Variants in ACTR3B observed in about 807,000 individuals in gnomAD.
ACTR3B encodes the protein actin related protein 3B.
In ACTR3B, 8 loss-of-function variants were observed where a neutral mutation model predicts 59.0. The observed-to-expected ratio is 0.14, with a 90% CI of 0.08 to 0.24. ACTR3B has a LOEUF of 0.24. Ranked by LOEUF, ACTR3B falls within the 10% of genes least tolerant of loss-of-function variation. The probability of loss-of-function intolerance (pLI) is 1.00; values close to 1 mark genes in which losing one functional copy is unlikely to be tolerated. For synonymous variants in ACTR3B, 148 were observed against 197.9 expected (o/e 0.75, Z 2.12); for missense variants, 245 against 552.3 (o/e 0.44, Z 5.58).
chr7:152,802,350 C>A (rs1284005321), intron 4 of ACTR3B, among the ~76,000 whole-genome samples: 1 of 146,916 alleles, frequency 6.8e-6, no homozygotes, highest in Non-Finnish European at 1.5e-5. Context: ...TTGGATAAAC[C>A]AACTGCCTAC....
chr7:152,823,486 C>G lies in ACTR3B; in HGVS notation c.829C>G (p.Leu277Val). ...FVIDVGYERF[L>V]GPEIFFHPEF... ...TATAGACGTTGGTTACGAAAGATTCCTGGGACCTGAAATATTCTTTCACCC... is the reference window on the plus strand; with the variant it reads ...TATAGACGTTGGTTACGAAAGATTCGTGGGACCTGAAATATTCTTTCACCC... Residue 277 changes from leucine to valine, a missense_variant, in exon 8 of 12, where the codon CTG becomes GTG. Leu to Val is a conservative substitution (Grantham distance 32, BLOSUM62 1). Coordinates refer to ENST00000256001, the MANE Select transcript of ACTR3B (RefSeq NM_020445.6). 1 of 1,614,128 alleles carries G rather than the reference C, an allele frequency of 6.2e-7. No individual in the cohort carries two copies. Among genetic ancestry groups the G allele is most frequent in the Non-Finnish European group, 8.5e-7 (1 of 1,180,012 alleles).
intron 3 of ACTR3B, 57 bp from the exon 4 acceptor site, chr7:152,801,564 C>T: frequency 6.5e-7 from 1 of 1,547,838 alleles, no homozygotes; most frequent in Non-Finnish European, 8.8e-7. Flanking sequence ...CACTGTTAAA[C>T]TGTTGCTCTT....
chr7:152,805,758 G>T (rs566227549), intron 4 of ACTR3B, among the ~76,000 whole-genome samples: 1 of 152,210 alleles, frequency 6.6e-6, no homozygotes, highest in Admixed American at 6.5e-5. Context: ...TCTTGGATTT[G>T]CTAAGTCACC....
chr7:152,768,984 C>G (rs964727159), intron 1 of ACTR3B, among the ~76,000 whole-genome samples: 21 of 151,732 alleles, frequency 1.4e-4, no homozygotes, highest in African/African-American at 4.4e-4. Context: ...TCCCGAGGAG[C>G]TGGGATTATA....
intron 1 of ACTR3B, among the ~76,000 whole-genome samples, chr7:152,774,298 G>A (rs2098131400): frequency 1.3e-5 from 2 of 152,084 alleles, no homozygotes; most frequent in Admixed American, 1.3e-4. Context: ...CACCGCACCC[G>A]ACTAGTTTTG....
Position 152,854,473 on chromosome 7 carries a change from G to T in ACTR3B, c.1177G>T (p.Val393Phe). The stretch of plus-strand genomic sequence containing the variant: ...CCTCTCGTAGCCCGAGTTCTTTCAG[G>T]TCTGCCACACCAAGAAGGACTATGA... ...MLASTPEFFQ[V>F]CHTKKDYEEY... The change falls in exon 12 of 12, where the codon GTC (valine) becomes TTC (phenylalanine). Residue 393 changes from valine to phenylalanine, a missense_variant. By Grantham distance (50) the Val-to-Phe change is conservative. Transcript: ENST00000256001. This position sits in a 1 kb window ranked among gnomAD's most constrained non-coding sequence, Gnocchi z 4.9. 1 of 1,614,014 alleles carries T rather than the reference G, an allele frequency of 6.2e-7. No individual in the cohort carries two copies. The highest frequency in any genetic ancestry group is 8.5e-7 in the Non-Finnish European group (1 of 1,180,010).
chr7:152,775,576 A>G (rs1467663645), intron 1 of ACTR3B, among the ~76,000 whole-genome samples: 2 of 152,090 alleles, frequency 1.3e-5, no homozygotes, highest in Non-Finnish European at 2.9e-5. Context: ...CCTGACCAAC[A>G]TGGAGAAACC....
Position 152,801,063 on chromosome 7 carries a change from C to A in ACTR3B, c.225+408C>A, listed in dbSNP as rs574733095. Among the ~76,000 whole-genome samples the A allele has an allele frequency of 9.8e-5, 15 of 152,372 alleles. No individual in the cohort carries two copies. The East Asian group carries it at 2.5e-3, about 25-fold the overall frequency. On this transcript the variant is annotated intron_variant, in intron 3 of 11. Coordinates refer to ENST00000256001, the MANE Select transcript of ACTR3B (RefSeq NM_020445.6). ...ATGATAATTAGCTGCAGTTTTCTAT[C>A]GGTTCCTCATTGTATTTTTTGTTGT...
intron 4 of ACTR3B, among the ~76,000 whole-genome samples, chr7:152,804,654 T>A (rs2098246941): frequency 6.6e-6 from 1 of 152,166 alleles, no homozygotes; most frequent in African/African-American, 2.4e-5. Context: ...GAGATATGTA[T>A]AGTCAAAACC....
intron 9 of ACTR3B, among the ~76,000 whole-genome samples, chr7:152,832,063 C>T (rs1246928999): frequency 1.3e-5 from 2 of 152,118 alleles, no homozygotes; most frequent in Non-Finnish European, 2.9e-5. Context: ...TGTAGAACCA[C>T]GCGGAGGCAG....
At chr7:152,846,555 G>A (rs1295549636) in intron 9 of ACTR3B, among the ~76,000 whole-genome samples, 6 of 146,228 alleles carry the variant, frequency 4.1e-5, no homozygotes, top group African/African-American at 1.3e-4. Context: ...CAGCGCCCGG[G>A]CTGCAGTCTG....
intron 4 of ACTR3B, chr7:152,812,025 T>C (rs1258804589): frequency 2.3e-5 from 1 of 42,800 alleles, no homozygotes; most frequent in African/African-American, 6.7e-5. Flanking sequence ...AAGTCTTTTT[T>C]TTTTTTTTTT....
At chr7:152,769,245 C>T (rs1358441865) in intron 1 of ACTR3B, among the ~76,000 whole-genome samples, 2 of 152,118 alleles carry the variant, frequency 1.3e-5, no homozygotes, top group African/African-American at 2.4e-5. Context: ...AAGGTCTCCT[C>T]GCATTTTCTG....
intron 2 of ACTR3B, among the ~76,000 whole-genome samples, chr7:152,783,608 G>T (rs1182990460): frequency 1.3e-5 from 2 of 151,814 alleles, no homozygotes; most frequent in African/African-American, 4.8e-5. Context: ...TCTATCGAAA[G>T]ATTCTTTTTT....
At chr7:152,778,183 T>A (rs2098141030) in intron 1 of ACTR3B, among the ~76,000 whole-genome samples, 1 of 151,760 alleles carries the variant, frequency 6.6e-6, no homozygotes, top group Non-Finnish European at 1.5e-5. Context: ...AAGGAATCTT[T>A]CCCTTTTTAG....
chr7:152,793,431 TTTC>T (rs1404468371), intron 2 of ACTR3B, among the ~76,000 whole-genome samples: 17 of 133,294 alleles, frequency 1.3e-4, no homozygotes, highest in African/African-American at 5.1e-4. Flanking sequence ...CCTCTGTCCT[TTTC>T]TTCTGTTGAG....
chr7:152,847,757 G>T (rs1187906059), intron 9 of ACTR3B, among the ~76,000 whole-genome samples: 1 of 152,192 alleles, frequency 6.6e-6, no homozygotes, highest in African/African-American at 2.4e-5. Context: ...CAGACACAGG[G>T]CCCCTGGGAC....
chr7:152,848,517 G>A (rs1798542256), intron 9 of ACTR3B, among the ~76,000 whole-genome samples: 1 of 152,194 alleles, frequency 6.6e-6, no homozygotes, highest in African/African-American at 2.4e-5. Flanking sequence ...CCTTAGAAAT[G>A]TCTAATTCCA....
chr7:152,854,646 T>A lies in ACTR3B; in HGVS notation c.*93T>A, dbSNP rs1590496310. On this transcript the variant is annotated 3_prime_UTR_variant, in exon 12 of 12. Coordinates refer to ENST00000256001, the MANE Select transcript of ACTR3B (RefSeq NM_020445.6). This position sits in a 1 kb window ranked among gnomAD's most constrained non-coding sequence, Gnocchi z 4.9. ...GGCCGCCGTTCTGTAAATAGCGACGTCGGTGTTGCTGCCCAGCAGCGTGCT... is the reference window on the plus strand; with the variant it reads ...GGCCGCCGTTCTGTAAATAGCGACGACGGTGTTGCTGCCCAGCAGCGTGCT... The A allele has an allele frequency of 7.5e-7, 1 of 1,328,818 alleles. No homozygotes were observed. Among genetic ancestry groups the A allele is most frequent in the East Asian group, 2.4e-5 (1 of 42,540 alleles). 82.3% of individuals were successfully genotyped at this position (1,328,818 alleles called of 1,614,324 possible). A position where few individuals can be genotyped will look rare whatever the true frequency, so the allele number is the denominator to read the frequency against.
Sources: allele counts gnomAD v4.1 joint callset (sites outside exome capture counted in the v4.1 genomes callset), GRCh38; gene constraint gnomAD v4.1.1; non-coding constraint Gnocchi (gnomAD v3.1); transcripts MANE v1.5; gene names NCBI Gene and HGNC (gene_info 2026-07-23, HGNC 2026-07-21).